ALPL: variants seen among roughly 807,000 people sequenced by gnomAD.
ALPL encodes alkaline phosphatase, biomineralization associated.
ALPL carries 42 observed loss-of-function variants against 51.3 expected under a neutral mutation model. The observed-to-expected ratio is 0.82, with a 90% confidence interval of 0.64 to 1.06. ALPL has a LOEUF of 1.06. Among genes scored for constraint, ALPL ranks in the 50% least tolerant of loss-of-function variants. ALPL has a pLI of 0.00. For synonymous variants in ALPL, 279 were observed against 296.4 expected (o/e 0.94, Z 0.60); for missense variants, 589 against 709.4 (o/e 0.83, Z 1.93).
At chr1:21,522,615 A>C (rs949100575) in intron 1 of ALPL, among the ~76,000 whole-genome samples, 1 of 152,118 alleles carries the variant, frequency 6.6e-6, no homozygotes, top group African/African-American at 2.4e-5. Context: ...CCCAGATCCT[A>C]GGCTTAGAAC....
At chr1:21,535,422 G>T (rs1644092142) in intron 1 of ALPL, among the ~76,000 whole-genome samples, 1 of 152,112 alleles carries the variant, frequency 6.6e-6, no homozygotes, top group African/African-American at 2.4e-5. Flanking sequence ...TGAGAGTCTG[G>T]GCAACATAGC....
intron 1 of ALPL, among the ~76,000 whole-genome samples, chr1:21,523,436 G>A (rs1341286986): frequency 6.6e-6 from 1 of 152,222 alleles, no homozygotes; most frequent in Non-Finnish European, 1.5e-5. Context: ...GTAAAGACTC[G>A]TGAAGCTTCC....
At chr1:21,538,588 G>A (rs1644141244) in intron 1 of ALPL, among the ~76,000 whole-genome samples, 1 of 152,192 alleles carries the variant, frequency 6.6e-6, no homozygotes, top group Non-Finnish European at 1.5e-5. Flanking sequence ...TCCTCTCACA[G>A]GGCCTGCGTG....
intron 7 of ALPL, among the ~76,000 whole-genome samples, chr1:21,569,464 G>C (rs1644614831): frequency 6.6e-6 from 1 of 152,210 alleles, no homozygotes; most frequent in African/African-American, 2.4e-5. Context: ...CCATTCAGTG[G>C]CTACGTGGTC....
At chr1:21,577,158 G>A (rs550270422) in intron 11 of ALPL, among the ~76,000 whole-genome samples, 2 of 152,338 alleles carry the variant, frequency 1.3e-5, no homozygotes, top group African/African-American at 4.8e-5. Context: ...GCCCAAATGA[G>A]GTTAATTTTC....
At chr1:21,528,411 G>C (rs543855011) in intron 1 of ALPL, among the ~76,000 whole-genome samples, 1 of 145,070 alleles carries the variant, frequency 6.9e-6, no homozygotes, top group South Asian at 2.2e-4. Context: ...GCAGTGGTGT[G>C]ATCTCAGCTC....
intron 1 of ALPL, among the ~76,000 whole-genome samples, chr1:21,539,961 C>T (rs1005599200): frequency 6.6e-6 from 1 of 152,134 alleles, no homozygotes; most frequent in African/African-American, 2.4e-5. Context: ...CGGCCTGTGC[C>T]TTCCTTTTCT....
rs532038741 is a variant in ALPL, at chr1:21,554,711, C to T, written c.61+569C>T. ...TTCACCGTGTTAGCCAGGATGGTCT[C>T]GATCTCCTGACCTCATGATCCGCCT... On this transcript the variant is annotated intron_variant, in intron 2 of 11. Transcript: ENST00000374840. 1.5e-4 allele frequency among the ~76,000 whole-genome samples: 22 copies of T among 151,254 alleles called. No homozygotes were observed. In the East Asian group the frequency reaches 3.7e-3, roughly 25 times the overall value.
chr1:21,532,594 A>C (rs889955373), intron 1 of ALPL, among the ~76,000 whole-genome samples: 3 of 152,236 alleles, frequency 2.0e-5, no homozygotes, highest in African/African-American at 4.8e-5. Flanking sequence ...GAGTGTAAAA[A>C]ATAAAAGAGC....
intron 1 of ALPL, among the ~76,000 whole-genome samples, chr1:21,527,450 T>C (rs1338317294): frequency 1.3e-5 from 2 of 152,246 alleles, no homozygotes; most frequent in Non-Finnish European, 2.9e-5. Context: ...AATTAAATCA[T>C]TCCTTTAAAA....
Position 21,563,890 on chromosome 1 carries a change from C to T in ALPL, c.473-151C>T, listed in dbSNP as rs74059651. On this transcript the variant is annotated intron_variant, in intron 5 of 11. Coordinates refer to ENST00000374840, the MANE Select transcript of ALPL (RefSeq NM_000478.6). Reference sequence around the variant, plus strand: ...GCTACTTGGAAGCCACTGCCAGACACCTGCTGCTGTGGATGGGGAGACTGA... The same window carrying T: ...GCTACTTGGAAGCCACTGCCAGACATCTGCTGCTGTGGATGGGGAGACTGA... 2.0e-3 allele frequency: 1,981 copies of T among 1,002,754 alleles called. 22 individuals are homozygous for T. In the African/African-American group the frequency reaches 0.026, roughly 13 times the overall value. The allele number at this position is 1,002,754 out of a possible 1,614,324, so 62.1% of individuals were successfully genotyped here.
At chr1:21,570,041 C>T (rs1370412256) in intron 7 of ALPL, among the ~76,000 whole-genome samples, 2 of 152,208 alleles carry the variant, frequency 1.3e-5, no homozygotes, top group African/African-American at 4.8e-5. Context: ...TAGAACATCA[C>T]CTCCACCAGG....
intron 10 of ALPL, 36 bp downstream of exon 10, chr1:21,575,960 G>T (rs778189988): frequency 6.2e-7 from 1 of 1,612,232 alleles, no homozygotes; most frequent in Non-Finnish European, 8.5e-7. Flanking sequence ...CACTCCTGGG[G>T]TCTCCTGTCT....
At chr1:21,514,704 G>A (rs1398604609) in intron 1 of ALPL, among the ~76,000 whole-genome samples, 1 of 152,156 alleles carries the variant, frequency 6.6e-6, no homozygotes, top group Non-Finnish European at 1.5e-5. Context: ...ATTGATTGTC[G>A]ATTGCTGATA....
intron 1 of ALPL, among the ~76,000 whole-genome samples, chr1:21,551,731 T>TTTTTTTG (rs1644325746): frequency 7.8e-6 from 1 of 128,900 alleles, no homozygotes; most frequent in Non-Finnish European, 1.7e-5. Flanking sequence ...TTTTTTTTTT[T>TTTTTTTG]TTTTTTTTTT....
At chr1:21,541,694 G>A (rs540568619) in intron 1 of ALPL, among the ~76,000 whole-genome samples, 1 of 152,336 alleles carries the variant, frequency 6.6e-6, no homozygotes, top group South Asian at 2.1e-4. Context: ...AGCCGAAACT[G>A]CTGTCTGGGC....
chr1:21,529,317 A>G lies in ALPL; in HGVS notation c.-105+19800A>G, dbSNP rs56025613. Among the ~76,000 whole-genome samples the G allele has an allele frequency of 9.8e-3, 1,483 of 151,086 alleles. 20 individuals carry two copies. Among genetic ancestry groups the G allele is most frequent in the African/African-American group, 0.033 (1,373 of 41,182 alleles). On this transcript the variant is annotated intron_variant, in intron 1 of 11. Coordinates refer to ENST00000374840, the MANE Select transcript of ALPL (RefSeq NM_000478.6). The stretch of plus-strand genomic sequence containing the variant: ...GTCACCCAGGCTGGAGTGCAGTGGC[A>G]TGAACATGGCTCACTTCAGTCTCAA...
At chr1:21,569,707 T>A (rs1355726601) in intron 7 of ALPL, among the ~76,000 whole-genome samples, 1 of 152,150 alleles carries the variant, frequency 6.6e-6, no homozygotes, top group African/African-American at 2.4e-5. Context: ...ACACAGCAGA[T>A]CCTTGGTAGT....
rs1177142093 is a variant in ALPL, at chr1:21,576,695, G to A, written c.1309+54G>A. 1.9e-6 allele frequency: 3 copies of A among 1,609,080 alleles called. No individual in the cohort carries two copies. In the African/African-American group the frequency reaches 4.0e-5, roughly 22 times the overall value. On this transcript the variant is annotated intron_variant, in intron 11 of 11. Coordinates refer to ENST00000374840, the MANE Select transcript of ALPL (RefSeq NM_000478.6). ...GGGGACAGGGCACCCCTCGGGGATG[G>A]GCTTGGGAATAGGGTGTCAGCTTGT...
Sources: allele counts gnomAD v4.1 joint callset (sites outside exome capture counted in the v4.1 genomes callset), GRCh38; gene constraint gnomAD v4.1.1; transcripts MANE v1.5; gene names NCBI Gene and HGNC (gene_info 2026-07-23, HGNC 2026-07-21).